TMTC3: variants seen among roughly 807,000 people sequenced by gnomAD.
TMTC3 encodes the protein transmembrane O-mannosyltransferase targeting cadherins 3.
TMTC3 carries 52 observed loss-of-function variants against 92.2 expected under a neutral mutation model. The observed-to-expected ratio is 0.56, with a 90% confidence interval of 0.45 to 0.71. TMTC3 has a LOEUF of 0.71. TMTC3 is among the 30% of genes least tolerant of loss of function. TMTC3 has a pLI of 0.00. For missense variants in TMTC3, 896 were observed against 1,057.1 expected, an observed-to-expected ratio of 0.85 and a Z score of 2.11; for synonymous variants, 339 against 363.3, an observed-to-expected ratio of 0.93 and a Z score of 0.76.
At chr12:88,150,550 T>C (rs2040930526) in intron 2 of TMTC3, among the ~76,000 whole-genome samples, 1 of 152,160 alleles carries the variant, frequency 6.6e-6, no homozygotes, top group Non-Finnish European at 1.5e-5. Flanking sequence ...AGAAAAAGAC[T>C]CATATGTTCT....
At chr12:88,180,543 ATGGTGTC>A (rs2041306256) in intron 10 of TMTC3, among the ~76,000 whole-genome samples, 7 of 152,336 alleles carry the variant, frequency 4.6e-5, no homozygotes, top group Admixed American at 3.9e-4. Context: ...TCTGGAGTGA[ATGGTGTC>A]TGTGTCCAGA....
At chr12:88,185,796 T>C (rs1318509675) in intron 10 of TMTC3, among the ~76,000 whole-genome samples, 1 of 152,172 alleles carries the variant, frequency 6.6e-6, no homozygotes, top group Non-Finnish European at 1.5e-5. Context: ...CCATTTGAGA[T>C]GATGATAAGG....
chr12:88,195,096 A>G lies in TMTC3; in HGVS notation c.2192A>G (p.Tyr731Cys). The G allele has an allele frequency of 6.2e-7, 1 of 1,613,898 alleles. No homozygotes were observed. Among genetic ancestry groups the G allele is most frequent in the Non-Finnish European group, 8.5e-7 (1 of 1,179,926 alleles). ...CCAATTTTGGAGGAGTTACTCAGAT[A>G]CTACCCTGATCATATCAAGGGCCTC... ...ALPILEELLR[Y>C]YPDHIKGLIL... The change falls in exon 14 of 14, where the codon TAC (tyrosine) becomes TGC (cysteine). Residue 731 changes from tyrosine to cysteine, a missense_variant. Transcript: ENST00000266712.
Position 88,156,816 on chromosome 12 carries a change from T to TTG in TMTC3, c.508+2430_508+2431insGT, listed in dbSNP as rs1422359986. 2.7e-5 allele frequency among the ~76,000 whole-genome samples: 4 copies of TTG among 150,854 alleles called. No homozygotes were observed. The South Asian group carries it at 6.3e-4, about 24-fold the overall frequency. On this transcript the variant is annotated intron_variant, in intron 4 of 13. Coordinates refer to ENST00000266712, the MANE Select transcript of TMTC3 (RefSeq NM_181783.4). Reference sequence around the variant, plus strand: ...AAGGTTTTGTGTGTGTGTGTGTTTTTTTTTTTTTTTTTACAAAAAGTGTCT... The same window carrying TTG: ...AAGGTTTTGTGTGTGTGTGTGTTTTTTGTTTTTTTTTTTTACAAAAAGTGTCT...
In TMTC3 at chr12:88,190,308, A is replaced by G. The variant is rs1370854239; in HGVS notation, c.1537-145A>G. The G allele has an allele frequency of 6.5e-6, 4 of 615,906 alleles. No homozygotes were observed. The Admixed American group carries it at 9.8e-5, about 15-fold the overall frequency. 38.2% of individuals were successfully genotyped at this position (615,906 alleles called of 1,614,324 possible). ...AGTCAAGGTATCTTAGGTTTAGTCAAAACAGGAGTAGAACCCTGATCTCTC... is the reference window on the plus strand; with the variant it reads ...AGTCAAGGTATCTTAGGTTTAGTCAGAACAGGAGTAGAACCCTGATCTCTC... On this transcript the variant is annotated intron_variant, in intron 11 of 13. Coordinates refer to ENST00000266712, the MANE Select transcript of TMTC3 (RefSeq NM_181783.4).
intron 4 of TMTC3, among the ~76,000 whole-genome samples, chr12:88,154,895 C>T (rs1215601056): frequency 6.6e-6 from 1 of 152,072 alleles, no homozygotes; most frequent in Admixed American, 6.6e-5. Context: ...TGATTCCTGG[C>T]ATTATCAGAA....
intron 10 of TMTC3, among the ~76,000 whole-genome samples, chr12:88,186,574 A>C (rs1310906433): frequency 6.6e-6 from 1 of 152,140 alleles, no homozygotes; most frequent in Non-Finnish European, 1.5e-5. Flanking sequence ...GTTGTTTTGG[A>C]TAGGTACTGG....
At chr12:88,149,958 A>T (rs530884233) in intron 2 of TMTC3, among the ~76,000 whole-genome samples, 48 of 152,192 alleles carry the variant, frequency 3.2e-4, no homozygotes, top group Admixed American at 1.4e-3. Flanking sequence ...AATTTATGCT[A>T]GTATCTGTTA....
chr12:88,186,167 C>A (rs2041375986), intron 10 of TMTC3, among the ~76,000 whole-genome samples: 1 of 152,090 alleles, frequency 6.6e-6, no homozygotes, highest in African/African-American at 2.4e-5. Flanking sequence ...CTGAAAACTT[C>A]CCAGCCACAT....
chr12:88,166,932 G>GT (rs2041149993), intron 7 of TMTC3, among the ~76,000 whole-genome samples: 1 of 150,050 alleles, frequency 6.7e-6, no homozygotes, highest in South Asian at 2.1e-4. Flanking sequence ...GAGCAAGGTG[G>GT]TTTTTATTAC....
At chr12:88,169,856 T>C (rs758605468) in intron 7 of TMTC3, among the ~76,000 whole-genome samples, 12 of 151,672 alleles carry the variant, frequency 7.9e-5, no homozygotes, top group Non-Finnish European at 1.3e-4. Context: ...GGAGGATTGC[T>C]TGAGCCCAAG....
intron 10 of TMTC3, among the ~76,000 whole-genome samples, chr12:88,184,924 CAG>C (rs1050175422): frequency 6.6e-5 from 10 of 152,062 alleles, no homozygotes; most frequent in African/African-American, 1.9e-4. Flanking sequence ...TGATAATAAA[CAG>C]AGCAACCTTC....
chr12:88,159,275 T>C (rs766318657), intron 4 of TMTC3, among the ~76,000 whole-genome samples: 10 of 152,204 alleles, frequency 6.6e-5, no homozygotes, highest in Non-Finnish European at 1.3e-4. Context: ...TACTTAAAGT[T>C]GATGAAGTAT....
At position 88,192,650 on chromosome 12, in the gene TMTC3, G is replaced by T; in HGVS notation, c.1753G>T (p.Ala585Ser). The change falls in exon 13 of 14, where the codon GCA (alanine) becomes TCA (serine). Residue 585 changes from alanine to serine, a missense_variant. By Grantham distance (99) the Ala-to-Ser change is moderately conservative (BLOSUM62 1). Coordinates refer to ENST00000266712, the MANE Select transcript of TMTC3 (RefSeq NM_181783.4). ...KMNKPLKAKE[A>S]YLKALELDRN... ...GAATAAACCTCTTAAAGCAAAGGAA[G>T]CATATCTTAAAGCACTAGAGCTGGA... 6.2e-7 allele frequency: 1 copy of T among 1,612,268 alleles called. No homozygotes were observed. Among genetic ancestry groups the T allele is most frequent in the Non-Finnish European group, 8.5e-7 (1 of 1,178,724 alleles).
chr12:88,151,663 A>G (rs934745672), intron 2 of TMTC3, among the ~76,000 whole-genome samples: 7 of 151,676 alleles, frequency 4.6e-5, no homozygotes, highest in African/African-American at 1.7e-4. Flanking sequence ...ACAATTATGT[A>G]TACTGCAATT....
chr12:88,155,716 T>A (rs2041000518), intron 4 of TMTC3, among the ~76,000 whole-genome samples: 1 of 152,220 alleles, frequency 6.6e-6, no homozygotes, highest in African/African-American at 2.4e-5. Context: ...TGAAATAGCT[T>A]TTCACCATAT....
intron 10 of TMTC3, 66 bp downstream of exon 10, chr12:88,176,385 G>A (rs2041260186): frequency 3.4e-6 from 4 of 1,183,572 alleles, no homozygotes; most frequent in Admixed American, 2.3e-5. Flanking sequence ...ATCCTTGGGG[G>A]AAATAAGGTA....
intron 1 of TMTC3, among the ~76,000 whole-genome samples, chr12:88,146,458 A>G (rs766272391): frequency 4.6e-5 from 7 of 152,034 alleles, no homozygotes; most frequent in Non-Finnish European, 5.9e-5. Flanking sequence ...AATAAGTAGC[A>G]GAGACTAGTT....
chr12:88,148,326 T>C lies in TMTC3; in HGVS notation c.11T>C (p.Ile4Thr), dbSNP rs148019384. MAN[I>T]NLKEITLIVG... ...GTGCTTATAGAAAAGATGGCTAATA[T>C]TAACCTAAAAGAAATAACCTTAATA... Residue 4 changes from isoleucine (I) to threonine (T), a missense_variant, in exon 2 of 14, where the codon ATT (isoleucine) becomes ACT (threonine). Coordinates refer to ENST00000266712, the MANE Select transcript of TMTC3 (RefSeq NM_181783.4). The C allele has an allele frequency of 3.1e-6, 5 of 1,607,716 alleles. No homozygotes were observed. The highest frequency in any genetic ancestry group is 4.2e-6 in the Non-Finnish European group (5 of 1,177,972).
Sources: gnomAD v4.1 joint callset for allele counts (sites outside exome capture counted in the v4.1 genomes callset) on GRCh38, gnomAD v4.1.1 for gene constraint, MANE v1.5 for transcripts, NCBI Gene and HGNC (gene_info 2026-07-23, HGNC 2026-07-21) for gene names.